DAB1: variants seen among roughly 807,000 people sequenced by gnomAD.
DAB1 encodes DAB adaptor protein 1.
Under a neutral mutation model 64.6 loss-of-function variants are expected in DAB1, and 15 were observed. That is an observed-to-expected ratio of 0.23 (90% CI 0.16 to 0.36). DAB1 has a LOEUF of 0.36. DAB1 is among the 10% of genes least tolerant of loss of function. The pLI is 1.00. For synonymous variants in DAB1, 235 were observed against 251.9 expected (o/e 0.93, Z 0.64); for missense variants, 596 against 706.7 (o/e 0.84, Z 1.78).
At chr1:58,414,383 T>C (rs1313736061) in intron 3 of DAB1, among the ~76,000 whole-genome samples, 1 of 152,230 alleles carries the variant, frequency 6.6e-6, no homozygotes, top group Admixed American at 6.5e-5. Context: ...TTCAGCATCT[T>C]CCAGCATAGG....
chr1:57,404,011 AC>A (rs1683440930), intron 1 of DAB1, among the ~76,000 whole-genome samples: 1 of 152,160 alleles, frequency 6.6e-6, no homozygotes, highest in Admixed American at 6.6e-5. Context: ...GGGTGTAGTC[AC>A]CACACTAACC....
chr1:57,343,228 T>C (rs1320986946), intron 1 of DAB1, among the ~76,000 whole-genome samples: 1 of 152,146 alleles, frequency 6.6e-6, no homozygotes, highest in Non-Finnish European at 1.5e-5. Context: ...AGAGTGTCAA[T>C]TGGTGCATTC....
chr1:57,456,628 A>T (rs1278508522), intron 7 of DAB1, among the ~76,000 whole-genome samples: 1 of 152,146 alleles, frequency 6.6e-6, no homozygotes, highest in Non-Finnish European at 1.5e-5. Flanking sequence ...CAGAAAAAAA[A>T]CTCATAAAAA....
intron 2 of DAB1, among the ~76,000 whole-genome samples, chr1:57,206,896 C>T (rs955643902): frequency 6.6e-6 from 1 of 151,524 alleles, no homozygotes; most frequent in Non-Finnish European, 1.5e-5. Context: ...TGTGACACAT[C>T]CCAGACACTT....
intron 4 of DAB1, among the ~76,000 whole-genome samples, chr1:58,264,852 G>A (rs1044443559): frequency 6.6e-6 from 1 of 152,190 alleles, no homozygotes; most frequent in Non-Finnish European, 1.5e-5. Context: ...GGAGAAGCAT[G>A]AGTTTTGATG....
In DAB1 at chr1:57,667,366, C is replaced by T. The variant is rs1424064859; in HGVS notation, n.552-17701G>A. On this transcript the variant is annotated intron_variant and non_coding_transcript_variant, in intron 6 of 20. Transcript: ENST00000485760. ...GACTGAGTTGACAGACACAGTAGCCCTGTCTGTCACCATCTCTCCTCCTGT... is the reference window on the plus strand; with the variant it reads ...GACTGAGTTGACAGACACAGTAGCCTTGTCTGTCACCATCTCTCCTCCTGT... 2.6e-5 allele frequency among the ~76,000 whole-genome samples: 4 copies of T among 152,110 alleles called. No homozygotes were observed. In the East Asian group the frequency reaches 7.7e-4, roughly 29 times the overall value.
At chr1:58,305,316 C>CAG (rs1426792532) in intron 4 of DAB1, among the ~76,000 whole-genome samples, 1 of 152,202 alleles carries the variant, frequency 6.6e-6, no homozygotes, top group Non-Finnish European at 1.5e-5. Context: ...CCCAGAATCA[C>CAG]AGCACCCTAA....
chr1:58,453,521 T>A (rs138645364), intron 3 of DAB1, among the ~76,000 whole-genome samples: 100 of 152,322 alleles, frequency 6.6e-4, no homozygotes, highest in African/African-American at 2.4e-3. Context: ...ACTGGAATCC[T>A]GCCTCTCGAA....
At chr1:57,733,873 T>C (rs1647555504) in intron 6 of DAB1, among the ~76,000 whole-genome samples, 1 of 151,906 alleles carries the variant, frequency 6.6e-6, no homozygotes, top group Admixed American at 6.6e-5. Flanking sequence ...GGTGTCCTCC[T>C]GAAGAAGAAG....
intron 1 of DAB1, among the ~76,000 whole-genome samples, chr1:57,369,912 G>A (rs1003510484): frequency 2.6e-5 from 4 of 152,182 alleles, no homozygotes; most frequent in African/African-American, 7.2e-5. Flanking sequence ...ATCCAGCTAC[G>A]AAGTCACGTT....
At chr1:57,485,586 T>G (rs1478820793) in intron 7 of DAB1, among the ~76,000 whole-genome samples, 1 of 152,110 alleles carries the variant, frequency 6.6e-6, no homozygotes. Context: ...AACCACAGAG[T>G]CAAACAGACC....
intron 7 of DAB1, among the ~76,000 whole-genome samples, chr1:57,457,937 C>G (rs770171193): frequency 3.9e-5 from 6 of 152,036 alleles, no homozygotes; most frequent in Admixed American, 6.6e-5. Flanking sequence ...AAACAAAGAG[C>G]AAAATGACAG....
intron 7 of DAB1, among the ~76,000 whole-genome samples, chr1:57,439,418 G>GTTTTTTTTGTTTGTTTTTTTTTGTT: frequency 8.6e-6 from 1 of 116,140 alleles, no homozygotes; most frequent in South Asian, 3.2e-4. Context: ...TGGTGATGAG[G>GTTTTTTTTGTTTGTTTTTTTTTGTT]TTTTTTCTTT....
At chr1:57,175,762 T>C (rs1028073360) in intron 2 of DAB1, among the ~76,000 whole-genome samples, 3 of 152,200 alleles carry the variant, frequency 2.0e-5, no homozygotes, top group African/African-American at 7.2e-5. Context: ...AACAGAATTC[T>C]TATGCTATTG....
chr1:58,220,279 T>TA (rs1213896539), intron 4 of DAB1, among the ~76,000 whole-genome samples: 1 of 152,282 alleles, frequency 6.6e-6, no homozygotes, highest in Admixed American at 6.5e-5. Flanking sequence ...ACTGAAGATT[T>TA]AAAAAAATAA....
chr1:57,073,532 T>C (rs1651703669), intron 4 of DAB1, among the ~76,000 whole-genome samples: 1 of 152,182 alleles, frequency 6.6e-6, no homozygotes, highest in Non-Finnish European at 1.5e-5. Flanking sequence ...CAGTACTCTG[T>C]AAAGGCTTAT....
chr1:58,115,430 C>T (rs1176191050), intron 5 of DAB1, among the ~76,000 whole-genome samples: 1 of 39,998 alleles, frequency 2.5e-5, no homozygotes, highest in South Asian at 1.2e-3. Flanking sequence ...GTCAGTGTGG[C>T]GATTCCTCAG....
At chr1:58,124,874 C>T (rs1266436424) in intron 5 of DAB1, among the ~76,000 whole-genome samples, 1 of 152,160 alleles carries the variant, frequency 6.6e-6, no homozygotes, top group African/African-American at 2.4e-5. Context: ...GTACCCAGTA[C>T]ATGCTAAGTA....
intron 1 of DAB1, among the ~76,000 whole-genome samples, chr1:57,869,496 AGAG>A (rs1654444507): frequency 1.3e-5 from 2 of 152,126 alleles, no homozygotes; most frequent in Admixed American, 6.5e-5. Context: ...TTTCTGTGAA[AGAG>A]GAGAAGAAGC....
Sources: allele counts gnomAD v4.1 joint callset (sites outside exome capture counted in the v4.1 genomes callset), GRCh38; gene constraint gnomAD v4.1.1; transcripts MANE v1.5; gene names NCBI Gene and HGNC (gene_info 2026-07-23, HGNC 2026-07-21).